The following CD226 variants were observed in gnomAD, a reference collection of about 807,000 sequenced individuals.
The protein encoded by CD226 is CD226 antigen.
A neutral mutation model predicts 34.9 loss-of-function variants in CD226; 24 were observed. The ratio of observed to expected loss-of-function variants is 0.69; its 90% CI spans 0.50 to 0.97. CD226 has a LOEUF of 0.97. CD226 is among the 50% of genes least tolerant of loss of function. CD226 has a pLI of 0.00. For missense variants in CD226, 397 were observed against 412.7 expected, an observed-to-expected ratio of 0.96 and a Z score of 0.33; for synonymous variants, 148 against 147.4, an observed-to-expected ratio of 1.00 and a Z score of -0.03.
rs183121054 is a variant in CD226 at position 69,955,736 on chromosome 18, A to G, written c.-28+1019T>C. On this transcript the variant is annotated intron_variant, in intron 1 of 6. Transcript: ENST00000280200. ...AAATTAGCCGGGTGTGGTAGCGGGC[A>G]CCTGTAGTCCCAGCTACTCAGGAGG... 3.8e-4 allele frequency among the ~76,000 whole-genome samples: 57 copies of G among 151,890 alleles called. 1 individual carries two copies. Among genetic ancestry groups the G allele is most frequent in the Non-Finnish European group, 7.5e-4 (51 of 67,940 alleles).
intron 3 of CD226, 150 bp downstream of exon 3, chr18:69,895,551 T>A (rs1215030062): frequency 1.2e-5 from 8 of 658,930 alleles, no homozygotes; most frequent in Non-Finnish European, 2.2e-5. Context: ...AATACTAGAA[T>A]AATGGCCAAC....
chr18:69,961,126 T>C (rs923608805), upstream of CD226, among the ~76,000 whole-genome samples: 12 of 152,160 alleles, frequency 7.9e-5, no homozygotes, highest in African/African-American at 2.9e-4. Flanking sequence ...GTATATCCTA[T>C]CCAAAAGAAC....
At chr18:69,872,650 A>G (rs1983606953) in intron 4 of CD226, among the ~76,000 whole-genome samples, 1 of 152,212 alleles carries the variant, frequency 6.6e-6, no homozygotes, top group African/African-American at 2.4e-5. Context: ...TTAAGCACCT[A>G]GATTTCTTGG....
intron 2 of CD226, among the ~76,000 whole-genome samples, chr18:69,902,590 C>A (rs1010679318): frequency 2.0e-5 from 3 of 151,328 alleles, no homozygotes; most frequent in African/African-American, 4.9e-5. Context: ...GTTGTGCCCC[C>A]AGGAGTCCAC....
At chr18:69,908,023 C>T (rs1004012360) in intron 2 of CD226, among the ~76,000 whole-genome samples, 1 of 151,820 alleles carries the variant, frequency 6.6e-6, no homozygotes, top group Non-Finnish European at 1.5e-5. Flanking sequence ...AAAACAAAAC[C>T]GACTCTGTCT....
intron 3 of CD226, among the ~76,000 whole-genome samples, chr18:69,878,685 T>C (rs1027522362): frequency 2.0e-5 from 3 of 152,144 alleles, no homozygotes; most frequent in Non-Finnish European, 2.9e-5. Flanking sequence ...AGAGACCACC[T>C]CACACCTTTT....
chr18:69,905,430 G>T (rs958087647), intron 2 of CD226, among the ~76,000 whole-genome samples: 1 of 152,182 alleles, frequency 6.6e-6, no homozygotes, highest in Non-Finnish European at 1.5e-5. Flanking sequence ...TTTCCCACAG[G>T]AGAGTGGCCA....
At chr18:69,905,388 G>A (rs1217347760) in intron 2 of CD226, among the ~76,000 whole-genome samples, 1 of 152,166 alleles carries the variant, frequency 6.6e-6, no homozygotes, top group Non-Finnish European at 1.5e-5. Context: ...TTGTCCATTA[G>A]ATTGTTTTCC....
At chr18:69,950,971 T>TTGTGTGTGTGTGTGTG (rs57098005), upstream of CD226, among the ~76,000 whole-genome samples, 7 of 132,606 alleles carry the variant, frequency 5.3e-5, no homozygotes, top group African/African-American at 2.0e-4. Flanking sequence ...AACTATGATT[T>TTGTGTGTGTGTGTGTG]TGTGTGTGTG....
chr18:69,923,445 AC>A (rs1360473402), intron 2 of CD226, among the ~76,000 whole-genome samples: 3 of 152,084 alleles, frequency 2.0e-5, no homozygotes, highest in African/African-American at 7.2e-5. Flanking sequence ...TCCCTGCCTT[AC>A]CCCATCAGCT....
rs1714610929 is a variant in CD226, at chr18:69,857,010, T to C, written c.*7304A>G. On this transcript the variant is annotated 3_prime_UTR_variant, in exon 6 of 6. Transcript: ENST00000582621. ...GGTGAAACCCCGTCTCTACTAAAAA[T>C]ACAAAAAAATTAGCTGGGCATGGTG... The C allele has an allele frequency of 6.6e-6, 1 of 151,938 alleles. No individual in the cohort carries two copies. Among genetic ancestry groups the C allele is most frequent in the South Asian group, 2.1e-4 (1 of 4,822 alleles). The allele number at this position is 151,938 out of a possible 1,614,324, so 9.4% of individuals were successfully genotyped here.
chr18:69,912,337 T>C (rs2055335856), intron 2 of CD226, among the ~76,000 whole-genome samples: 1 of 152,222 alleles, frequency 6.6e-6, no homozygotes, highest in African/African-American at 2.4e-5. Context: ...TGAGCCTTCT[T>C]ACAGGAAGAA....
At chr18:69,919,837 T>C (rs918134958) in intron 2 of CD226, among the ~76,000 whole-genome samples, 1 of 152,050 alleles carries the variant, frequency 6.6e-6, no homozygotes, top group Non-Finnish European at 1.5e-5. Context: ...ATAAGAAGCA[T>C]GAGTTATCCT....
At chr18:69,895,607 A>C (rs566203855) in intron 3 of CD226, 94 bp downstream of exon 3, 1 of 906,972 alleles carries the variant, frequency 1.1e-6, no homozygotes, top group African/African-American at 1.7e-5. Context: ...ATGCGCATTA[A>C]ATGAACATGT....
At chr18:69,947,194 TA>T in intron 1 of CD226, 125 bp from the exon 2 acceptor site, 7 of 944,382 alleles carry the variant, frequency 7.4e-6, no homozygotes, top group East Asian at 2.5e-5. Flanking sequence ...TGCCTTTGTC[TA>T]AAAAGGCGTC....
chr18:69,944,797 C>A (rs2055769105), intron 2 of CD226, among the ~76,000 whole-genome samples: 1 of 152,298 alleles, frequency 6.6e-6, no homozygotes, highest in East Asian at 1.9e-4. Context: ...TGTCTACATA[C>A]AACAGCAAAT....
upstream of CD226, among the ~76,000 whole-genome samples, chr18:69,952,056 A>C (rs1456273899): frequency 2.0e-5 from 3 of 152,228 alleles, no homozygotes; most frequent in South Asian, 4.1e-4. Flanking sequence ...TAGATAAAGA[A>C]ACTGTGGTAT....
In CD226 at chr18:69,862,558, A is replaced by G. The variant is rs1424617395; in HGVS notation, c.*1756T>C. On this transcript the variant is annotated 3_prime_UTR_variant, in exon 6 of 6. Transcript: ENST00000582621. ...ATGAGAGTTTACCCTTCTTGCATAT[A>G]CTTAAGCACAACCAGGAAATGGTCG... 1.3e-5 allele frequency: 2 copies of G among 152,180 alleles called. No individual in the cohort carries two copies. The highest frequency in any genetic ancestry group is 2.9e-5 in the Non-Finnish European group (2 of 67,988). The allele number at this position is 152,180 out of a possible 1,614,324, so 9.4% of individuals were successfully genotyped here. A position where few individuals can be genotyped will look rare whatever the true frequency, so the allele number is the denominator to read the frequency against.
At chr18:69,920,328 A>G (rs543570187) in intron 2 of CD226, among the ~76,000 whole-genome samples, 49 of 152,362 alleles carry the variant, frequency 3.2e-4, no homozygotes, top group African/African-American at 1.2e-3. Context: ...TGTTCTTCAC[A>G]TTATGAAACA....
Sources: gnomAD v4.1 joint callset for allele counts (sites outside exome capture counted in the v4.1 genomes callset) on GRCh38, gnomAD v4.1.1 for gene constraint, MANE v1.5 for transcripts, NCBI Gene and HGNC (gene_info 2026-07-23, HGNC 2026-07-21) for gene names.